Variants in MEAF6 observed in about 807,000 individuals in gnomAD.
The protein encoded by MEAF6 is MYST/Esa1 associated factor 6.
A neutral mutation model predicts 28.9 loss-of-function variants in MEAF6; 15 were observed. The observed-to-expected ratio is 0.52, with a 90% confidence interval of 0.35 to 0.80. The LOEUF is 0.80. MEAF6 is among the 30% of genes least tolerant of loss of function. The pLI is 0.01. For missense variants in MEAF6, 178 were observed against 237.5 expected (o/e 0.75, Z 1.65); for synonymous variants, 97 against 88.7 (o/e 1.09, Z -0.53).
rs1165047847 is a variant in MEAF6 at position 37,501,884 on chromosome 1, T to C, written c.453A>G (p.Lys151=). 1.2e-6 allele frequency: 2 copies of C among 1,607,348 alleles called. No individual in the cohort carries two copies. Among genetic ancestry groups the C allele is most frequent in the African/African-American group, 1.3e-5 (1 of 74,914 alleles). ...EDLDGSVQGV[K]PQKAASSTSS... ...AAGTAGAAGAAGCAGCCTTCTGAGG[T>C]TTCACTCCCTGCACAGATCCATCCA... is the stretch of plus-strand genomic sequence containing the variant. Residue 151 remains lysine, a synonymous_variant, in exon 5 of 7, where the codon AAA becomes AAG. Transcript: ENST00000296214.
At chr1:37,504,716 G>A (rs1211367118) in intron 4 of MEAF6, among the ~76,000 whole-genome samples, 3 of 141,478 alleles carry the variant, frequency 2.1e-5, no homozygotes, top group Non-Finnish European at 4.5e-5. Context: ...AGGTTGCAGT[G>A]AGCCAAGATG....
intron 6 of MEAF6, 51 bp downstream of exon 6, chr1:37,495,833 TA>T: frequency 6.3e-7 from 1 of 1,590,736 alleles, no homozygotes; most frequent in Non-Finnish European, 8.6e-7. Flanking sequence ...TACATTTTTC[TA>T]ATCATCTACA....
At chr1:37,507,764 G>A (rs2148081477) in intron 4 of MEAF6, among the ~76,000 whole-genome samples, 1 of 151,848 alleles carries the variant, frequency 6.6e-6, no homozygotes, top group South Asian at 2.1e-4. Context: ...AGCGGAGGTT[G>A]CAGTGAGTCA....
intron 4 of MEAF6, among the ~76,000 whole-genome samples, chr1:37,502,615 C>CT (rs35429238): frequency 0.012 from 1,289 of 109,646 alleles, 11 homozygotes; most frequent in African/African-American, 0.018. Context: ...CCTCGTAAGT[C>CT]TTTTTTTTTT....
intron 2 of MEAF6, among the ~76,000 whole-genome samples, chr1:37,512,923 G>C (rs148907002): frequency 6.6e-6 from 1 of 152,104 alleles, no homozygotes; most frequent in South Asian, 2.1e-4. Context: ...AGGCGTGGTG[G>C]CTCACACCTG....
At chr1:37,507,233 T>C (rs758987414) in intron 4 of MEAF6, among the ~76,000 whole-genome samples, 8 of 151,886 alleles carry the variant, frequency 5.3e-5, no homozygotes, top group Non-Finnish European at 1.0e-4. Context: ...GGCAGGAGAA[T>C]TGCTTGAACT....
intron 4 of MEAF6, among the ~76,000 whole-genome samples, chr1:37,503,166 G>A (rs145856650): frequency 5.9e-4 from 89 of 151,954 alleles, no homozygotes; most frequent in African/African-American, 2.0e-3. Context: ...CAAACTCCTG[G>A]GCTTAAGCAG....
At chr1:37,496,502 G>A (rs1642132322) in intron 5 of MEAF6, 1 of 1,030,482 alleles carries the variant, frequency 9.7e-7, no homozygotes, top group Non-Finnish European at 1.3e-6. Flanking sequence ...ATGCATAAAA[G>A]TGAAGTTTAC....
intron 4 of MEAF6, among the ~76,000 whole-genome samples, chr1:37,505,474 G>A (rs1286274020): frequency 6.6e-6 from 1 of 152,150 alleles, no homozygotes; most frequent in Non-Finnish European, 1.5e-5. Context: ...TTAAAACACT[G>A]TGAGATTTTT....
intron 4 of MEAF6, among the ~76,000 whole-genome samples, chr1:37,504,658 G>A (rs1218628707): frequency 1.3e-5 from 2 of 150,594 alleles, no homozygotes; most frequent in Non-Finnish European, 3.0e-5. Context: ...TGTAATCCCA[G>A]CTACTTGGGA....
rs1332147138 is a variant in MEAF6, at chr1:37,490,879, T to C, written c.*3220A>G. On this transcript the variant is annotated 3_prime_UTR_variant, in exon 7 of 7. Transcript: ENST00000296214. The stretch of plus-strand genomic sequence containing the variant: ...GTCTCTATTGAAAATAAAAAAAAAC[T>C]AGCTGGGTGTGGTAGCACGCGCCTG... Among the ~76,000 whole-genome samples the C allele has an allele frequency of 2.0e-5, 3 of 149,754 alleles. No individual in the cohort carries two copies. Among genetic ancestry groups the C allele is most frequent in the African/African-American group, 7.3e-5 (3 of 41,018 alleles).
intron 5 of MEAF6, among the ~76,000 whole-genome samples, chr1:37,499,713 T>C (rs1484260212): frequency 6.6e-6 from 1 of 152,224 alleles, no homozygotes; most frequent in Non-Finnish European, 1.5e-5. Flanking sequence ...CAGTAACTAA[T>C]ATCGAAGATT....
chr1:37,498,365 AT>A (rs1287877672), intron 5 of MEAF6, among the ~76,000 whole-genome samples: 1 of 151,160 alleles, frequency 6.6e-6, no homozygotes, highest in African/African-American at 2.4e-5. Flanking sequence ...ATCTAAAGTA[AT>A]TTTTTATAGT....
Position 37,493,992 on chromosome 1 carries a change from A to G in MEAF6, c.*107T>C, listed in dbSNP as rs1218011058. 1.5e-5 allele frequency: 24 copies of G among 1,583,188 alleles called. No individual in the cohort carries two copies. Among genetic ancestry groups the G allele is most frequent in the Non-Finnish European group, 2.1e-5 (24 of 1,168,948 alleles). Reference sequence around the variant, plus strand: ...AAGTCACAGGCACTGGGTCTGGGAGAGCAGAGGTGGATGGCCACGAACTCA... The same window carrying G: ...AAGTCACAGGCACTGGGTCTGGGAGGGCAGAGGTGGATGGCCACGAACTCA... On this transcript the variant is annotated 3_prime_UTR_variant, in exon 7 of 7. Transcript: ENST00000296214.
At chr1:37,512,710 T>C (rs1403430697) in intron 2 of MEAF6, among the ~76,000 whole-genome samples, 2 of 151,620 alleles carry the variant, frequency 1.3e-5, no homozygotes, top group African/African-American at 4.9e-5. Context: ...AGCAACAAAG[T>C]GAGATCCCAC....
chr1:37,508,093 T>C (rs1206799301), intron 4 of MEAF6, among the ~76,000 whole-genome samples: 1 of 151,910 alleles, frequency 6.6e-6, no homozygotes, highest in African/African-American at 2.4e-5. Flanking sequence ...ACATCCAATA[T>C]GGTTACACTG....
chr1:37,494,731 T>G (rs897320873), intron 6 of MEAF6, among the ~76,000 whole-genome samples: 20 of 151,332 alleles, frequency 1.3e-4, no homozygotes, highest in African/African-American at 4.9e-4. Flanking sequence ...CCCAGGAGTC[T>G]GAGGTGGGAG....
Position 37,493,616 on chromosome 1 carries a change from C to A in MEAF6, c.*483G>T, listed in dbSNP as rs1035880398. The A allele has an allele frequency of 5.7e-5, 42 of 731,944 alleles. 1 individual carries two copies. Among genetic ancestry groups the A allele is most frequent in the South Asian group, 2.2e-4 (13 of 58,314 alleles). The allele number at this position is 731,944 out of a possible 1,614,324, so 45.3% of individuals were successfully genotyped here. A position where few individuals can be genotyped will look rare whatever the true frequency, so the allele number is the denominator to read the frequency against. On this transcript the variant is annotated 3_prime_UTR_variant, in exon 7 of 7. Transcript: ENST00000296214. ...GCTGTACAAAGGCATTACAAAAAAA[C>A]CCCAAAGAAAATAAGATAAAAACAA...
At chr1:37,511,519 T>C (rs1481579453) in intron 2 of MEAF6, among the ~76,000 whole-genome samples, 1 of 152,216 alleles carries the variant, frequency 6.6e-6, no homozygotes, top group Non-Finnish European at 1.5e-5. Flanking sequence ...CCAAAATTAC[T>C]TGTTAATCAC....
Sources: allele counts gnomAD v4.1 joint callset (sites outside exome capture counted in the v4.1 genomes callset), GRCh38; gene constraint gnomAD v4.1.1; transcripts MANE v1.5; gene names NCBI Gene and HGNC (gene_info 2026-07-23, HGNC 2026-07-21).